The following CELSR1 variants were observed in gnomAD, a reference collection of about 807,000 sequenced individuals.
CELSR1 encodes cadherin EGF LAG seven-pass G-type receptor 1.
A neutral mutation model predicts 249.1 loss-of-function variants in CELSR1; 110 were observed. That is an observed-to-expected ratio of 0.44 (90% CI 0.38 to 0.52). The LOEUF (loss-of-function observed/expected upper bound fraction) is 0.52, where lower values mean the gene tolerates loss of function less well. Ranked by LOEUF, CELSR1 falls within the 20% of genes least tolerant of loss-of-function variation. The pLI, the probability that CELSR1 is intolerant of heterozygous loss-of-function variation, is 0.00. For missense variants in CELSR1, 4,109 were observed against 4,296.4 expected (o/e 0.96, Z 1.22); for synonymous variants, 2,113 against 1,900.0 (o/e 1.11, Z -2.92).
Position 46,454,450 on chromosome 22 carries a change from G to A in CELSR1, c.4183+9257C>T, listed in dbSNP as rs1254526614. ...GTGCACGCACAGACGCCCATGACCCGCAGCCAGCCCGGCCAGGCAGCCTTG... is the reference window on the plus strand; with the variant it reads ...GTGCACGCACAGACGCCCATGACCCACAGCCAGCCCGGCCAGGCAGCCTTG... On this transcript the variant is annotated intron_variant, in intron 2 of 34. Coordinates refer to ENST00000674500, the MANE Select transcript of CELSR1 (RefSeq NM_001378328.1). The surrounding 1 kb of genome is among the most constrained non-coding windows in gnomAD (Gnocchi z 5.1). Among the ~76,000 whole-genome samples, 3 of 152,202 alleles carry A rather than the reference G, an allele frequency of 2.0e-5. No homozygotes were observed. Among genetic ancestry groups the A allele is most frequent in the Non-Finnish European group, 4.4e-5 (3 of 68,034 alleles).
At chr22:46,418,141 G>A (rs986492314) in intron 5 of CELSR1, among the ~76,000 whole-genome samples, 3 of 152,216 alleles carry the variant, frequency 2.0e-5, no homozygotes, top group Non-Finnish European at 4.4e-5. Flanking sequence ...ACATGCAAGT[G>A]GTTTTCTCAA....
chr22:46,536,782 G>A lies in CELSR1; in HGVS notation c.389C>T (p.Ala130Val). ...LCGTGARLCGALCFPVPGGCA... is the reference protein window; with the variant it reads ...LCGTGARLCGVLCFPVPGGCA... Reference sequence around the variant, plus strand: ...GCCGCCGGGGACGGGGAAGCAGAGCGCCCCGCAGAGCCGGGCACCGGTTCC... The same window carrying A: ...GCCGCCGGGGACGGGGAAGCAGAGCACCCCGCAGAGCCGGGCACCGGTTCC... Residue 130 changes from alanine to valine, a missense_variant, in exon 1 of 35, where the codon GCG becomes GTG. By Grantham distance (64) the Ala-to-Val change is moderately conservative. Transcript: ENST00000674500. 1.7e-6 allele frequency: 2 copies of A among 1,187,024 alleles called. No homozygotes were observed. Among genetic ancestry groups the A allele is most frequent in the South Asian group, 3.6e-5 (1 of 27,498 alleles). The allele number at this position is 1,187,024 out of a possible 1,614,324, so 73.5% of individuals were successfully genotyped here.
Position 46,430,895 on chromosome 22 carries a change from G to A in CELSR1, c.4611+2498C>T, listed in dbSNP as rs1453209369. Among the ~76,000 whole-genome samples the A allele has an allele frequency of 6.6e-6, 1 of 152,208 alleles. No individual in the cohort carries two copies. The highest frequency in any genetic ancestry group is 2.4e-5 in the African/African-American group (1 of 41,450). On this transcript the variant is annotated intron_variant, in intron 5 of 34. Coordinates refer to ENST00000674500, the MANE Select transcript of CELSR1 (RefSeq NM_001378328.1). The surrounding 1 kb of genome is among the most constrained non-coding windows in gnomAD (Gnocchi z 4.6). ...AGCAGCAGTACTGTCTCCTTCTCGG[G>A]CTGGTGCTCATAATCTCTGCTAACA...
rs1317710552 is a variant in CELSR1, at chr22:46,526,839, AC to A, written c.3544+6787del. On this transcript the variant is annotated intron_variant, in intron 1 of 34. Transcript: ENST00000674500. The surrounding 1 kb of genome is among the most constrained non-coding windows in gnomAD (Gnocchi z 4.7). The stretch of plus-strand genomic sequence containing the variant: ...GCTGGTCTCCCCAGTCTGGACCTGC[AC>A]ACACAATCAACTTCAGGACACTCTC... Among the ~76,000 whole-genome samples the A allele has an allele frequency of 6.6e-6, 1 of 152,156 alleles. No individual in the cohort carries two copies. Among genetic ancestry groups the A allele is most frequent in the Non-Finnish European group, 1.5e-5 (1 of 68,020 alleles).
At chr22:46,483,460 A>C (rs574276196) in intron 1 of CELSR1, among the ~76,000 whole-genome samples, 1 of 139,124 alleles carries the variant, frequency 7.2e-6, no homozygotes, top group East Asian at 2.2e-4. Flanking sequence ...GGCAGCCCAC[A>C]GGTTTTCCAT....
At chr22:46,394,095 T>C in intron 14 of CELSR1, 47 bp downstream of exon 14, 1 of 1,594,790 alleles carries the variant, frequency 6.3e-7, no homozygotes, top group Non-Finnish European at 8.6e-7. Context: ...GCTGTGCATG[T>C]GTGTGAGCAA....
intron 1 of CELSR1, among the ~76,000 whole-genome samples, chr22:46,492,070 G>A (rs539540941): frequency 1.3e-5 from 2 of 152,376 alleles, no homozygotes; most frequent in Non-Finnish European, 2.9e-5. Flanking sequence ...GGAAACAACT[G>A]CCACGAGAAG....
At position 46,427,123 on chromosome 22, in the gene CELSR1, C is replaced by A. The variant is rs2079546208; in HGVS notation, c.4611+6270G>T. Among the ~76,000 whole-genome samples, 1 of 152,068 alleles carries A rather than the reference C, an allele frequency of 6.6e-6. No homozygotes were observed. Among genetic ancestry groups the A allele is most frequent in the South Asian group, 2.1e-4 (1 of 4,802 alleles). On this transcript the variant is annotated intron_variant, in intron 5 of 34. Transcript: ENST00000674500. The surrounding 1 kb of genome is among the most constrained non-coding windows in gnomAD (Gnocchi z 4.2). Reference sequence around the variant, plus strand: ...TGTATATATGTACACACACACACACCTACACAGACGTCTATGTCCTAGCTC... The same window carrying A: ...TGTATATATGTACACACACACACACATACACAGACGTCTATGTCCTAGCTC...
chr22:46,461,807 G>C (rs1395228641), intron 2 of CELSR1, among the ~76,000 whole-genome samples: 1 of 152,264 alleles, frequency 6.6e-6, no homozygotes, highest in Admixed American at 6.5e-5. Context: ...TCTGAAGCAG[G>C]GAAGTCGACG....
chr22:46,367,109 C>A lies in CELSR1; in HGVS notation c.8089G>T (p.Val2697Phe), dbSNP rs200319625. The A allele has an allele frequency of 7.3e-5, 117 of 1,610,994 alleles. 1 individual carries two copies. In the Admixed American group the frequency reaches 1.3e-3, roughly 18 times the overall value. Reference protein sequence around the residue: ...AIFSGLQGPFVLLFHCVLNQE... With the variant: ...AIFSGLQGPFFLLFHCVLNQE... ...TTGAGCACGCAGTGGAAAAGGAGGA[C>A]GAAGGGGCCCTGGAGGGAGGAAGGT... is the stretch of plus-strand genomic sequence containing the variant. The change falls in exon 29 of 35, where the codon GTC (valine) becomes TTC (phenylalanine). Residue 2697 changes from valine to phenylalanine, a missense_variant. This residue lies in a region of CELSR1 where 1,805 missense variants were observed against 1,831.6 expected (regional missense o/e 0.99). Coordinates refer to ENST00000674500, the MANE Select transcript of CELSR1 (RefSeq NM_001378328.1).
At chr22:46,368,592 C>T (rs2078814445) in intron 27 of CELSR1, among the ~76,000 whole-genome samples, 1 of 150,924 alleles carries the variant, frequency 6.6e-6, no homozygotes, top group African/African-American at 2.5e-5. Flanking sequence ...ACCAGGTCAC[C>T]AGGGGCTGGC....
chr22:46,489,296 G>A (rs1365841625), intron 1 of CELSR1, among the ~76,000 whole-genome samples: 2 of 151,934 alleles, frequency 1.3e-5, no homozygotes, highest in Non-Finnish European at 2.9e-5. Flanking sequence ...GGGGCAGGGA[G>A]ATGCCATGCT....
Position 46,407,924 on chromosome 22 carries a change from A to T in CELSR1, c.5226+1072T>A, listed in dbSNP as rs150320005. 0.015 allele frequency among the ~76,000 whole-genome samples: 2,281 copies of T among 152,326 alleles called. 20 individuals are homozygous for T. Among genetic ancestry groups the T allele is most frequent in the Admixed American group, 0.025 (385 of 15,306 alleles). ...ATCACTACAGACGAGAATGACCTTCAGATGCACAGGCAGAGGGGCAAGAGG... is the reference window on the plus strand; with the variant it reads ...ATCACTACAGACGAGAATGACCTTCTGATGCACAGGCAGAGGGGCAAGAGG... On this transcript the variant is annotated intron_variant, in intron 9 of 34. Coordinates refer to ENST00000674500, the MANE Select transcript of CELSR1 (RefSeq NM_001378328.1). This position sits in a 1 kb window ranked among gnomAD's most constrained non-coding sequence, Gnocchi z 4.8.
At chr22:46,507,164 C>T (rs552253585) in intron 1 of CELSR1, among the ~76,000 whole-genome samples, 10 of 152,134 alleles carry the variant, frequency 6.6e-5, no homozygotes, top group South Asian at 6.2e-4. Flanking sequence ...CCAGCCTGGG[C>T]GACAAGAGTG....
At chr22:46,371,409 A>G (rs1168101188) in intron 25 of CELSR1, among the ~76,000 whole-genome samples, 5 of 152,156 alleles carry the variant, frequency 3.3e-5, no homozygotes, top group Non-Finnish European at 5.9e-5. Context: ...ATTACCCAGG[A>G]AAAGGGGTTC....
At chr22:46,515,907 A>T (rs1051368124) in intron 1 of CELSR1, among the ~76,000 whole-genome samples, 1 of 152,230 alleles carries the variant, frequency 6.6e-6, no homozygotes, top group Non-Finnish European at 1.5e-5. Flanking sequence ...CCACAATGAG[A>T]TATCATCTCA....
Position 46,369,675 on chromosome 22 carries a change from G to A in CELSR1, c.7872+17C>T. On this transcript the variant is annotated intron_variant, in intron 26 of 34. Coordinates refer to ENST00000674500, the MANE Select transcript of CELSR1 (RefSeq NM_001378328.1). ...ATGTTTGGGGCACCCGGACTCCCGT[G>A]AAGGCCCCACACTCACGATTATAAC... The A allele has an allele frequency of 1.9e-6, 3 of 1,609,044 alleles. No homozygotes were observed. The highest frequency in any genetic ancestry group is 1.7e-6 in the Non-Finnish European group (2 of 1,176,198).
At position 46,468,668 on chromosome 22, in the gene CELSR1, G is replaced by T. The variant is rs1463325900; in HGVS notation, c.3545-4323C>A. Reference sequence around the variant, plus strand: ...AGTTTGGGGCCATGAAAAAGTTCTGGAGATAGATGGTGGTGATGGCTGCAC... The same window carrying T: ...AGTTTGGGGCCATGAAAAAGTTCTGTAGATAGATGGTGGTGATGGCTGCAC... On this transcript the variant is annotated intron_variant, in intron 1 of 34. Transcript: ENST00000674500. The surrounding 1 kb of genome is among the most constrained non-coding windows in gnomAD (Gnocchi z 4.5). Among the ~76,000 whole-genome samples the T allele has an allele frequency of 6.6e-6, 1 of 152,164 alleles. No homozygotes were observed. The highest frequency in any genetic ancestry group is 2.1e-4 in the South Asian group (1 of 4,830).
chr22:46,369,311 C>A, intron 26 of CELSR1, 53 bp from the exon 27 acceptor site: 1 of 1,523,854 alleles, frequency 6.6e-7, no homozygotes, highest in Non-Finnish European at 9.1e-7. Flanking sequence ...TGCAGACCTC[C>A]AACTGCCAAA....
Sources: allele counts gnomAD v4.1 joint callset (sites outside exome capture counted in the v4.1 genomes callset), GRCh38; gene constraint gnomAD v4.1.1; regional missense constraint gnomAD v4.1.1; non-coding constraint Gnocchi (gnomAD v3.1); transcripts MANE v1.5; gene names NCBI Gene and HGNC (gene_info 2026-07-23, HGNC 2026-07-21).